Variants in SDC4 observed in about 807,000 individuals in gnomAD.
SDC4 encodes syndecan 4.
SDC4 carries 17 observed loss-of-function variants against 20.5 expected under a neutral mutation model. That is an observed-to-expected ratio of 0.83 (90% CI 0.57 to 1.25). The LOEUF is 1.25. Ranked by LOEUF, SDC4 falls within the 50% of genes most tolerant of loss-of-function variation. The probability of loss-of-function intolerance (pLI) is 0.00; values close to 1 mark genes in which losing one functional copy is unlikely to be tolerated. For synonymous variants in SDC4, 107 were observed against 105.3 expected (o/e 1.02, Z -0.10); for missense variants, 241 against 252.3 (o/e 0.96, Z 0.30).
intron 4 of SDC4, among the ~76,000 whole-genome samples, chr20:45,327,827 A>G (rs1987717044): frequency 6.6e-6 from 1 of 152,200 alleles, no homozygotes; most frequent in African/African-American, 2.4e-5. Context: ...TATTTTTAGT[A>G]GAGATAGGGT....
intron 4 of SDC4, among the ~76,000 whole-genome samples, chr20:45,329,962 C>G (rs974617226): frequency 6.6e-6 from 1 of 152,044 alleles, no homozygotes; most frequent in East Asian, 1.9e-4. Flanking sequence ...GGTCACAAGG[C>G]TGCCAAGTGA....
At chr20:45,327,690 G>A (rs1367208689) in intron 4 of SDC4, among the ~76,000 whole-genome samples, 1 of 55,020 alleles carries the variant, frequency 1.8e-5, no homozygotes, top group Admixed American at 1.5e-4. Flanking sequence ...TGTTGCCCGA[G>A]CTGAGTGCAG....
chr20:45,332,947 C>T lies in SDC4; in HGVS notation c.246+76G>A, dbSNP rs190881771. ...CCCTCACTTATTCTGCCTATGGGGG[C>T]TGTATTTTCTGCCTCTCCCAATAGG... On this transcript the variant is annotated intron_variant, in intron 3 of 4. Coordinates refer to ENST00000372733, the MANE Select transcript of SDC4 (RefSeq NM_002999.4). 48 of 1,343,378 alleles carry T rather than the reference C, an allele frequency of 3.6e-5. 1 individual carries two copies. The highest frequency in any genetic ancestry group is 2.0e-4 in the African/African-American group (14 of 69,730). 83.2% of individuals were successfully genotyped at this position (1,343,378 alleles called of 1,614,324 possible).
chr20:45,330,226 T>C, intron 4 of SDC4, 140 bp downstream of exon 4: 1 of 728,250 alleles, frequency 1.4e-6, no homozygotes, highest in Non-Finnish European at 2.3e-6. Context: ...AGTCTTTCAA[T>C]GTTCTAGGGC....
chr20:45,327,717 T>C lies in SDC4; in HGVS notation c.446-302A>G, dbSNP rs769029277. On this transcript the variant is annotated intron_variant, in intron 4 of 4. Coordinates refer to ENST00000372733, the MANE Select transcript of SDC4 (RefSeq NM_002999.4). ...TGAGTGCAGTGGCGTGATCTCGGCT[T>C]ACTGCAACCTCCACCTCCCAGGTTC... 8.5e-4 allele frequency among the ~76,000 whole-genome samples: 129 copies of C among 152,338 alleles called. 2 individuals are homozygous for C. Among genetic ancestry groups the C allele is most frequent in the African/African-American group, 2.9e-3 (120 of 41,576 alleles).
rs985586 is a variant in SDC4 at position 45,328,870 on chromosome 20, G to A, written c.446-1455C>T. On this transcript the variant is annotated intron_variant, in intron 4 of 4. Coordinates refer to ENST00000372733, the MANE Select transcript of SDC4 (RefSeq NM_002999.4). ...GCCAGAGCAAGCACATGGAATATCA[G>A]GCATCAACCCCATTCTTGTCTCTAT... Among the ~76,000 whole-genome samples the A allele has an allele frequency of 0.26, 39,006 of 151,988 alleles. 5,186 individuals are homozygous for A. The highest frequency in any genetic ancestry group is 0.41 in the East Asian group (2,095 of 5,170).
intron 1 of SDC4, among the ~76,000 whole-genome samples, chr20:45,338,846 AT>A (rs1210670355): frequency 1.3e-5 from 2 of 152,164 alleles, no homozygotes; most frequent in African/African-American, 4.8e-5. Flanking sequence ...CACGGCCTGG[AT>A]TCGATCCTAT....
intron 4 of SDC4, among the ~76,000 whole-genome samples, chr20:45,329,913 G>A (rs1568903800): frequency 2.6e-5 from 4 of 152,170 alleles, no homozygotes; most frequent in Non-Finnish European, 5.9e-5. Flanking sequence ...TACAGATAAG[G>A]AAACTGAGGC....
intron 1 of SDC4, among the ~76,000 whole-genome samples, chr20:45,336,827 G>C (rs756921863): frequency 6.6e-6 from 1 of 152,040 alleles, no homozygotes; most frequent in Non-Finnish European, 1.5e-5. Context: ...CCTCAGGTCA[G>C]GGCGCTGCCC....
intron 4 of SDC4, among the ~76,000 whole-genome samples, chr20:45,329,883 A>G (rs926372739): frequency 5.3e-5 from 8 of 152,232 alleles, no homozygotes; most frequent in African/African-American, 1.9e-4. Flanking sequence ...CAACCCCAGA[A>G]GGTATCACTG....
At position 45,326,181 on chromosome 20, in the gene SDC4, TC is replaced by T. The variant is rs1424977451; in HGVS notation, c.*1082del. The T allele has an allele frequency of 2.6e-5, 4 of 151,710 alleles. No homozygotes were observed. The East Asian group carries it at 7.7e-4, about 29-fold the overall frequency. 9.4% of individuals were successfully genotyped at this position (151,710 alleles called of 1,614,324 possible). A position where few individuals can be genotyped will look rare whatever the true frequency, so the allele number is the denominator to read the frequency against. On this transcript the variant is annotated 3_prime_UTR_variant, in exon 5 of 5. Transcript: ENST00000372733. ...GAACACAGACACAAATATCCCACCA[TC>T]CCCTTCATTATATTTTGGGATCTGC...
chr20:45,343,002 T>C lies in SDC4; in HGVS notation c.60+5323A>G, dbSNP rs567859928. On this transcript the variant is annotated intron_variant, in intron 1 of 4. Transcript: ENST00000372733. ...TTTATAGAGGACACTGGAGTTCACA[T>C]CAACAAAGTGACGTATTAACTGTGT... 3.7e-4 allele frequency among the ~76,000 whole-genome samples: 57 copies of C among 152,236 alleles called. 1 individual carries two copies. In the South Asian group the frequency reaches 0.011, roughly 29 times the overall value.
chr20:45,332,551 A>G (rs1987794247), intron 3 of SDC4, among the ~76,000 whole-genome samples: 1 of 152,108 alleles, frequency 6.6e-6, no homozygotes, highest in African/African-American at 2.4e-5. Flanking sequence ...TGCAGGGAGG[A>G]TGGCCTACCA....
chr20:45,332,935 T>TG, intron 3 of SDC4, 88 bp downstream of exon 3: 1 of 1,272,170 alleles, frequency 7.9e-7, no homozygotes, highest in Non-Finnish European at 1.1e-6. Flanking sequence ...TCACTTATTC[T>TG]GCCTATGGGG....
intron 1 of SDC4, among the ~76,000 whole-genome samples, chr20:45,344,440 G>A (rs1317383223): frequency 6.6e-6 from 1 of 152,196 alleles, no homozygotes; most frequent in African/African-American, 2.4e-5. Flanking sequence ...AGCATGCAGT[G>A]ACTCACAGCG....
Position 45,336,394 on chromosome 20 carries a change from C to G in SDC4, c.61-474G>C, listed in dbSNP as rs566931960. Among the ~76,000 whole-genome samples the G allele has an allele frequency of 2.0e-3, 303 of 152,316 alleles. 2 individuals carry two copies. Among genetic ancestry groups the G allele is most frequent in the Middle Eastern group, 0.017 (5 of 294 alleles). On this transcript the variant is annotated intron_variant, in intron 1 of 4. Transcript: ENST00000372733. ...CGCCGTTGCACTCTAGCCTGAGCTA[C>G]AGAGTGGGACCCCCGTCTCAAAAAA...
At chr20:45,348,020 G>A (rs1301115414) in intron 1 of SDC4, among the ~76,000 whole-genome samples, 2 of 152,176 alleles carry the variant, frequency 1.3e-5, no homozygotes, top group Non-Finnish European at 2.9e-5. Context: ...GGGAAGGGAC[G>A]AGGGTGTGGG....
intron 3 of SDC4, among the ~76,000 whole-genome samples, chr20:45,332,232 T>C (rs914770499): frequency 6.6e-6 from 1 of 151,496 alleles, no homozygotes; most frequent in African/African-American, 2.4e-5. Flanking sequence ...CTCTGCCCAC[T>C]GCAATCTCTG....
chr20:45,328,462 T>G (rs1404056109), intron 4 of SDC4, among the ~76,000 whole-genome samples: 1 of 152,214 alleles, frequency 6.6e-6, no homozygotes, highest in Non-Finnish European at 1.5e-5. Flanking sequence ...GGTTTATATC[T>G]GTGTCCCGAA....
Sources: gnomAD v4.1 joint callset for allele counts (sites outside exome capture counted in the v4.1 genomes callset) on GRCh38, gnomAD v4.1.1 for gene constraint, MANE v1.5 for transcripts, NCBI Gene and HGNC (gene_info 2026-07-23, HGNC 2026-07-21) for gene names.